Variants in ARMC2 observed in about 807,000 individuals in gnomAD.
ARMC2 encodes armadillo repeat containing 2, also known as armadillo repeat-containing protein 2.
A neutral mutation model predicts 90.3 loss-of-function variants in ARMC2; 67 were observed. The observed-to-expected ratio is 0.74, with a 90% confidence interval of 0.61 to 0.91. The LOEUF (loss-of-function observed/expected upper bound fraction) is 0.91. Among genes scored for constraint, ARMC2 ranks in the 40% least tolerant of loss-of-function variants. The pLI is 0.00. For missense variants in ARMC2, 920 were observed against 1,030.9 expected, an observed-to-expected ratio of 0.89 and a Z score of 1.47; for synonymous variants, 393 against 393.0, an observed-to-expected ratio of 1.00 and a Z score of 0.00.
At chr6:108,885,684 A>AT (rs1778028723) in intron 5 of ARMC2, among the ~76,000 whole-genome samples, 1 of 148,000 alleles carries the variant, frequency 6.8e-6, no homozygotes, top group Non-Finnish European at 1.5e-5. Context: ...AAAAAAAAAA[A>AT]GAAAAGAAAA....
chr6:109,045,727 G>C, the ARMC2 span, among the ~76,000 whole-genome samples: 1 of 152,160 alleles, frequency 6.6e-6, no homozygotes, highest in Non-Finnish European at 1.5e-5. Context: ...AGCCTTTGCA[G>C]AATTCTCTTG....
the ARMC2 span, among the ~76,000 whole-genome samples, chr6:109,025,844 T>C: frequency 6.6e-6 from 1 of 151,784 alleles, no homozygotes; most frequent in Non-Finnish European, 1.5e-5. Flanking sequence ...ATAGAAGGTC[T>C]AATACATATA....
At chr6:109,042,975 T>C in the ARMC2 span, among the ~76,000 whole-genome samples, 1 of 152,156 alleles carries the variant, frequency 6.6e-6, no homozygotes, top group South Asian at 2.1e-4. Context: ...AATTCCACAA[T>C]GTATAAAAAG....
downstream of ARMC2, among the ~76,000 whole-genome samples, chr6:108,975,087 G>A (rs540031729): frequency 3.3e-5 from 5 of 151,716 alleles, no homozygotes; most frequent in South Asian, 2.1e-4. Context: ...TACATGTGCC[G>A]TAGTGGTTTG....
chr6:108,923,662 G>T (rs1774827699), intron 10 of ARMC2, among the ~76,000 whole-genome samples: 1 of 146,364 alleles, frequency 6.8e-6, no homozygotes, highest in African/African-American at 2.5e-5. Flanking sequence ...AAAGGCCACT[G>T]GTCTGAGCAT....
At chr6:108,961,836 G>A in intron 14 of ARMC2, 142 bp downstream of exon 14, 1 of 1,173,558 alleles carries the variant, frequency 8.5e-7, no homozygotes, top group Non-Finnish European at 1.2e-6. Context: ...TAAGAAATTA[G>A]AATATGGGGA....
the ARMC2 span, among the ~76,000 whole-genome samples, chr6:109,034,053 G>A: frequency 5.9e-5 from 9 of 152,168 alleles, no homozygotes; most frequent in Non-Finnish European, 8.8e-5. Context: ...AGGATTACAT[G>A]AAATCATGCA....
At chr6:108,973,171 A>T (rs1410433806) in intron 17 of ARMC2, among the ~76,000 whole-genome samples, 186 bp from the exon 18 acceptor site, 2 of 152,164 alleles carry the variant, frequency 1.3e-5, no homozygotes, top group Non-Finnish European at 2.9e-5. Context: ...TCCAAATAAA[A>T]TAAAATAAAA....
chr6:108,980,776 C>T, the ARMC2 span, among the ~76,000 whole-genome samples: 5 of 152,208 alleles, frequency 3.3e-5, no homozygotes, highest in Non-Finnish European at 7.3e-5. Flanking sequence ...CCAGTTCAAA[C>T]TTCCCAGTGG....
At chr6:108,890,920 G>A (rs60988715) in intron 5 of ARMC2, among the ~76,000 whole-genome samples, 2,040 of 26,906 alleles carry the variant, frequency 0.076, 65 homozygotes, top group African/African-American at 0.21. Context: ...CCCACCCCCC[G>A]ACAGGCCCCA....
intron 17 of ARMC2, among the ~76,000 whole-genome samples, chr6:108,972,613 C>T (rs959313282): frequency 4.6e-5 from 7 of 152,080 alleles, no homozygotes; most frequent in Non-Finnish European, 7.4e-5. Context: ...TAGATACAAA[C>T]TTACATATAA....
intron 4 of ARMC2, among the ~76,000 whole-genome samples, chr6:108,875,514 G>C (rs1776846251): frequency 1.3e-5 from 2 of 152,164 alleles, no homozygotes. Context: ...GGCCCTGGTG[G>C]CTGGATGCCT....
the ARMC2 span, among the ~76,000 whole-genome samples, chr6:109,002,764 T>C: frequency 6.6e-6 from 1 of 152,132 alleles, no homozygotes; most frequent in Non-Finnish European, 1.5e-5. Context: ...TGTCTTAAAC[T>C]AGAAAAAGTG....
intron 8 of ARMC2, among the ~76,000 whole-genome samples, chr6:108,907,236 T>G (rs1212273389): frequency 6.6e-6 from 1 of 152,100 alleles, no homozygotes; most frequent in East Asian, 1.9e-4. Context: ...TAAGATTTGT[T>G]GGGGAAAAGG....
intron 17 of ARMC2, among the ~76,000 whole-genome samples, chr6:108,968,219 C>A (rs550122448): frequency 6.6e-6 from 1 of 152,268 alleles, no homozygotes; most frequent in East Asian, 1.9e-4. Flanking sequence ...TTTGAAAGAT[C>A]TGAGGCCATC....
the ARMC2 span, among the ~76,000 whole-genome samples, chr6:108,983,038 C>T: frequency 2.0e-5 from 3 of 151,840 alleles, no homozygotes; most frequent in South Asian, 2.1e-4. Flanking sequence ...AGGATGGTCT[C>T]GATCTCCTGA....
At chr6:108,954,126 T>A (rs1777395201) in intron 13 of ARMC2, among the ~76,000 whole-genome samples, 1 of 152,192 alleles carries the variant, frequency 6.6e-6, no homozygotes, top group African/African-American at 2.4e-5. Context: ...GACCCTACCC[T>A]TATGGGCTCT....
downstream of ARMC2, among the ~76,000 whole-genome samples, chr6:108,975,001 C>CT (rs769081082): frequency 3.9e-4 from 58 of 147,740 alleles, no homozygotes; most frequent in South Asian, 6.4e-4. Flanking sequence ...TTCTCTCTCT[C>CT]TTTTTTTTTT....
chr6:109,002,323 A>G, the ARMC2 span: 1 of 1,613,382 alleles, frequency 6.2e-7, no homozygotes, highest in Non-Finnish European at 8.5e-7. Flanking sequence ...CTAGTGGTCG[A>G]GGAATTCTAA....
Sources: gnomAD v4.1 joint callset for allele counts (sites outside exome capture counted in the v4.1 genomes callset) on GRCh38, gnomAD v4.1.1 for gene constraint, MANE v1.5 for transcripts, NCBI Gene and HGNC (gene_info 2026-07-23, HGNC 2026-07-21) for gene names.